KIF5C: variants seen among roughly 807,000 people sequenced by gnomAD.
KIF5C encodes the protein kinesin family member 5C.
A neutral mutation model predicts 125.2 loss-of-function variants in KIF5C; 18 were observed. The observed-to-expected ratio is 0.14, with a 90% CI of 0.10 to 0.21. The LOEUF (loss-of-function observed/expected upper bound fraction) is 0.21. Among genes scored for constraint, KIF5C ranks in the 10% least tolerant of loss-of-function variants. The probability of loss-of-function intolerance (pLI) is 1.00; values close to 1 mark genes in which losing one functional copy is unlikely to be tolerated. For synonymous variants in KIF5C, 405 were observed against 434.0 expected, an observed-to-expected ratio of 0.93 and a Z score of 0.83; for missense variants, 780 against 1,183.8, an observed-to-expected ratio of 0.66 and a Z score of 5.01.
intron 8 of KIF5C, chr2:148,947,915 A>G (rs1228810355): frequency 1.8e-5 from 8 of 456,640 alleles, no homozygotes; most frequent in Non-Finnish European, 3.5e-5. Flanking sequence ...TTATTGCACT[A>G]CATCACTGAG....
At chr2:148,933,194 C>G (rs1682216317) in intron 3 of KIF5C, among the ~76,000 whole-genome samples, 1 of 152,074 alleles carries the variant, frequency 6.6e-6, no homozygotes. Context: ...TAAACTTAAC[C>G]ATTCTTCAAG....
chr2:148,928,195 A>AC (rs974780612), intron 2 of KIF5C, among the ~76,000 whole-genome samples: 1 of 151,912 alleles, frequency 6.6e-6, no homozygotes, highest in Admixed American at 6.6e-5. Context: ...AATTCAGAGA[A>AC]CCCCCTCTAC....
In KIF5C at chr2:148,949,434, C is replaced by T. The variant is rs114161954; in HGVS notation, c.715-405C>T. Among the ~76,000 whole-genome samples the T allele has an allele frequency of 1.5e-3, 223 of 152,272 alleles. 1 individual carries two copies. The highest frequency in any genetic ancestry group is 5.2e-3 in the African/African-American group (217 of 41,550). ...CTTACATTTTTCCAATATGCCCATT[C>T]ATTGTGGCTCAGGACAATATTTTCT... is the stretch of plus-strand genomic sequence containing the variant. On this transcript the variant is annotated intron_variant, in intron 8 of 25. Coordinates refer to ENST00000435030, the MANE Select transcript of KIF5C (RefSeq NM_004522.3).
intron 7 of KIF5C, 121 bp from the exon 8 acceptor site, chr2:148,946,778 G>T (rs1682529347): frequency 4.3e-6 from 6 of 1,405,526 alleles, no homozygotes; most frequent in Non-Finnish European, 5.7e-6. Context: ...TTTTAGAATT[G>T]ACTGGACTTA....
intron 1 of KIF5C, 119 bp from the exon 2 acceptor site, chr2:148,922,018 A>T: frequency 1.7e-6 from 1 of 604,228 alleles, no homozygotes; most frequent in South Asian, 2.1e-5. Flanking sequence ...GAACTGCCTT[A>T]AAGAACAGGG....
chr2:149,018,277 A>G lies in KIF5C; in HGVS notation c.*8-4801A>G, dbSNP rs183491603. Among the ~76,000 whole-genome samples, 635 of 152,312 alleles carry G rather than the reference A, an allele frequency of 4.2e-3. 2 individuals carry two copies. The highest frequency in any genetic ancestry group is 7.5e-3 in the Non-Finnish European group (513 of 68,022). On this transcript the variant is annotated intron_variant, in intron 25 of 25. Transcript: ENST00000435030. ...ACACTCTAGCCTGGGTGACAGAGTGAGATTCTACCTCAAAAATAAATAAAC... is the reference window on the plus strand; with the variant it reads ...ACACTCTAGCCTGGGTGACAGAGTGGGATTCTACCTCAAAAATAAATAAAC...
In KIF5C at chr2:148,908,616, A is replaced by G. The variant is rs1437154369; in HGVS notation, c.127-13521A>G. 2.0e-5 allele frequency among the ~76,000 whole-genome samples: 3 copies of G among 152,278 alleles called. No homozygotes were observed. In the East Asian group the frequency reaches 5.8e-4, roughly 29 times the overall value. On this transcript the variant is annotated intron_variant, in intron 1 of 25. Coordinates refer to ENST00000435030, the MANE Select transcript of KIF5C (RefSeq NM_004522.3). The stretch of plus-strand genomic sequence containing the variant: ...CCTCAGTTTCTCCAGTATTACCTAC[A>G]CCATGGGGTCATCCGAGGATTCAGT...
chr2:148,875,575 G>GCCCCCCCCCCCTCCCCCC lies in KIF5C; in HGVS notation c.-37_-36insCCCCCTCCCCCCCCCCCC. The GCCCCCCCCCCCTCCCCCC allele has an allele frequency of 2.9e-6, 2 of 699,606 alleles. No homozygotes were observed. The highest frequency in any genetic ancestry group is 1.8e-5 in the African/African-American group (1 of 55,562). 43.3% of individuals were successfully genotyped at this position (699,606 alleles called of 1,614,324 possible). On this transcript the variant is annotated 5_prime_UTR_variant, in exon 1 of 26. Transcript: ENST00000435030. ...TCCTCCCTCGTCGTTCCCGGCCCCG[G>GCCCCCCCCCCCTCCCCCC]CCCCCCACCCATCCCCGTGCCCCCT...
At chr2:148,952,766 GT>G (rs1682696933) in intron 10 of KIF5C, among the ~76,000 whole-genome samples, 1 of 152,164 alleles carries the variant, frequency 6.6e-6, no homozygotes, top group Non-Finnish European at 1.5e-5. Flanking sequence ...AGTTGCTTCA[GT>G]TTTTACCTAG....
chr2:148,892,524 T>C (rs181801255), intron 1 of KIF5C, among the ~76,000 whole-genome samples: 149 of 152,364 alleles, frequency 9.8e-4, no homozygotes, highest in Admixed American at 2.5e-3. Context: ...TGCTTGCCCT[T>C]GCATTCATCT....
intron 17 of KIF5C, among the ~76,000 whole-genome samples, chr2:148,994,959 C>A (rs1158921745): frequency 1.3e-5 from 2 of 151,992 alleles, no homozygotes; most frequent in Non-Finnish European, 1.5e-5. Context: ...CCTCAGCCTC[C>A]CAAAAGTACA....
At chr2:148,896,063 G>A (rs188132895) in intron 1 of KIF5C, among the ~76,000 whole-genome samples, 1 of 152,230 alleles carries the variant, frequency 6.6e-6, no homozygotes, top group Admixed American at 6.5e-5. Flanking sequence ...TAAATTTTGG[G>A]GTGGACCCAG....
rs1277434232 is a variant in KIF5C at position 149,025,440 on chromosome 2, G to A, written c.*2370G>A. ...TATAATAAGCCAGTTATTATATCAG[G>A]ACCATGTTCTCTGTAGGCCACTTTC... On this transcript the variant is annotated 3_prime_UTR_variant, in exon 26 of 26. Transcript: ENST00000435030. The A allele has an allele frequency of 1.3e-5, 2 of 152,568 alleles. No homozygotes were observed. Among genetic ancestry groups the A allele is most frequent in the East Asian group, 1.9e-4 (1 of 5,198 alleles). The allele number at this position is 152,568 out of a possible 1,614,324, so 9.5% of individuals were successfully genotyped here.
At chr2:148,973,222 TTTA>T (rs747200836) in intron 11 of KIF5C, 111 bp from the exon 12 acceptor site, 442 of 1,418,682 alleles carry the variant, frequency 3.1e-4, no homozygotes, top group Non-Finnish European at 3.9e-4. Flanking sequence ...ACTACAGCCC[TTTA>T]TTGTGTCTTC....
chr2:148,961,077 C>G (rs1682913708), intron 10 of KIF5C, among the ~76,000 whole-genome samples: 1 of 152,200 alleles, frequency 6.6e-6, no homozygotes, highest in Admixed American at 6.5e-5. Context: ...CATCTCAACC[C>G]CCCAGGCCAT....
intron 10 of KIF5C, among the ~76,000 whole-genome samples, chr2:148,951,932 A>C (rs943369655): frequency 3.3e-5 from 5 of 152,206 alleles, no homozygotes; most frequent in African/African-American, 1.2e-4. Flanking sequence ...CCTCAACAGA[A>C]CATAGAATTA....
intron 22 of KIF5C, among the ~76,000 whole-genome samples, chr2:149,006,560 AAG>A (rs2105194830): frequency 6.6e-6 from 1 of 152,276 alleles, no homozygotes; most frequent in South Asian, 2.1e-4. Context: ...TGTGCTATGG[AAG>A]AGTAGAAGGA....
chr2:148,984,818 T>C (rs1681333159), intron 15 of KIF5C, among the ~76,000 whole-genome samples: 2 of 152,138 alleles, frequency 1.3e-5, no homozygotes. Flanking sequence ...TGAGACAAAC[T>C]TTTGCTTTGT....
intron 1 of KIF5C, among the ~76,000 whole-genome samples, chr2:148,911,232 C>T (rs532925749): frequency 6.6e-6 from 1 of 152,046 alleles, no homozygotes; most frequent in East Asian, 1.9e-4. Flanking sequence ...GAGAAGAGGC[C>T]CAGTGAGAGA....
Sources: allele counts gnomAD v4.1 joint callset (sites outside exome capture counted in the v4.1 genomes callset), GRCh38; gene constraint gnomAD v4.1.1; transcripts MANE v1.5; gene names NCBI Gene and HGNC (gene_info 2026-07-23, HGNC 2026-07-21).